NBEA: variants seen among roughly 807,000 people sequenced by gnomAD.
NBEA encodes lysosomal-trafficking regulator 2.
Under a neutral mutation model 343.4 loss-of-function variants are expected in NBEA, and 44 were observed. That is an observed-to-expected ratio of 0.13 (90% CI 0.10 to 0.16). The LOEUF is 0.16. Ranked by LOEUF, NBEA falls within the 10% of genes least tolerant of loss-of-function variation. NBEA has a pLI of 1.00. For synonymous variants in NBEA, 1,175 were observed against 1,238.7 expected (o/e 0.95, Z 1.08); for missense variants, 2,555 against 3,631.3 (o/e 0.70, Z 7.62).
At chr13:35,382,009 A>G (rs2042036787) in intron 38 of NBEA, among the ~76,000 whole-genome samples, 1 of 152,146 alleles carries the variant, frequency 6.6e-6, no homozygotes, top group Non-Finnish European at 1.5e-5. Context: ...GCCATGACAG[A>G]TATAATAGGC....
At chr13:35,404,546 T>A (rs1594505136) in intron 38 of NBEA, among the ~76,000 whole-genome samples, 1 of 138,580 alleles carries the variant, frequency 7.2e-6, no homozygotes, top group Non-Finnish European at 1.5e-5. Context: ...AGGTGGGAAT[T>A]GAACAATGAG....
At chr13:35,179,999 A>G (rs532038237) in intron 28 of NBEA, among the ~76,000 whole-genome samples, 3 of 151,964 alleles carry the variant, frequency 2.0e-5, no homozygotes, top group African/African-American at 2.4e-5. Flanking sequence ...GGAATAATTC[A>G]GAACAGATTT....
intron 46 of NBEA, among the ~76,000 whole-genome samples, chr13:35,588,374 TAA>T (rs1397746049): frequency 1.3e-5 from 2 of 152,106 alleles, no homozygotes; most frequent in Non-Finnish European, 2.9e-5. Flanking sequence ...GAAAATGCAT[TAA>T]AATTTGGGTC....
intron 41 of NBEA, among the ~76,000 whole-genome samples, chr13:35,535,331 T>G (rs1472662286): frequency 1.3e-5 from 2 of 151,478 alleles, no homozygotes; most frequent in South Asian, 4.1e-4. Flanking sequence ...GTTTTGTTTT[T>G]TATGTTAAAC....
chr13:35,028,833 G>A (rs926580925), intron 1 of NBEA, among the ~76,000 whole-genome samples: 2 of 149,922 alleles, frequency 1.3e-5, no homozygotes, highest in Non-Finnish European at 3.0e-5. Flanking sequence ...CTATGAACTT[G>A]GCCTGTTTTA....
rs1166969603 is a variant in NBEA at position 35,177,067 on chromosome 13, T to C, written c.4626T>C (p.Asp1542=). 6.9e-6 allele frequency: 11 copies of C among 1,604,532 alleles called. No individual in the cohort carries two copies. The highest frequency in any genetic ancestry group is 9.4e-6 in the Non-Finnish European group (11 of 1,174,690). ...CGGATAGACTTCTTCAGGATGTTGA[T>C]ATCAATCGCCTTCGTGCTGTTGTCT... The part of the protein sequence containing the change: ...KDPDRLLQDV[D]INRLRAVVFR... Residue 1542 remains aspartate (D), a synonymous_variant, in exon 28 of 59, where the codon GAT becomes GAC. Transcript: ENST00000379939.
chr13:35,073,481 CTG>C (rs2152577240), intron 10 of NBEA, among the ~76,000 whole-genome samples: 1 of 152,248 alleles, frequency 6.6e-6, no homozygotes, highest in Non-Finnish European at 1.5e-5. Flanking sequence ...TCTTTGCCCT[CTG>C]TGTTTCAAGC....
intron 1 of NBEA, among the ~76,000 whole-genome samples, chr13:34,957,022 T>TAC (rs113442970): frequency 5.4e-4 from 81 of 150,876 alleles, no homozygotes; most frequent in East Asian, 4.1e-3. Context: ...TATATATATA[T>TAC]ACACACACAC....
At chr13:35,022,486 G>A (rs544796632) in intron 1 of NBEA, among the ~76,000 whole-genome samples, 1 of 152,112 alleles carries the variant, frequency 6.6e-6, no homozygotes, top group Non-Finnish European at 1.5e-5. Flanking sequence ...TATTTTACTT[G>A]CCTTTGTTTC....
Position 35,105,711 on chromosome 13 carries a change from A to G in NBEA, c.1681-3579A>G, listed in dbSNP as rs1325352288. Among the ~76,000 whole-genome samples the G allele has an allele frequency of 2.6e-5, 4 of 151,980 alleles. No homozygotes were observed. The East Asian group carries it at 7.7e-4, about 29-fold the overall frequency. ...GCCACCCTCCCCTCCACTCCCTACCAAAACAACAACACATGATTAATCTGG... is the reference window on the plus strand; with the variant it reads ...GCCACCCTCCCCTCCACTCCCTACCGAAACAACAACACATGATTAATCTGG... On this transcript the variant is annotated intron_variant, in intron 11 of 58. Transcript: ENST00000379939.
At chr13:35,534,100 TAACA>T (rs1344955598) in intron 41 of NBEA, among the ~76,000 whole-genome samples, 2 of 152,300 alleles carry the variant, frequency 1.3e-5, no homozygotes, top group Middle Eastern at 3.4e-3. Flanking sequence ...ATGTGAGTGA[TAACA>T]AACAGAGTGA....
intron 1 of NBEA, among the ~76,000 whole-genome samples, chr13:35,035,162 A>C (rs1347843953): frequency 6.6e-6 from 1 of 151,626 alleles, no homozygotes; most frequent in African/African-American, 2.4e-5. Context: ...ACTTATAAAC[A>C]TCCCTCTTAG....
At chr13:35,007,366 T>C (rs2061352953) in intron 1 of NBEA, among the ~76,000 whole-genome samples, 1 of 152,346 alleles carries the variant, frequency 6.6e-6, no homozygotes, top group African/African-American at 2.4e-5. Context: ...TCATTACTTC[T>C]TCAACTGTAT....
chr13:35,526,199 A>C (rs1306995297), intron 41 of NBEA, among the ~76,000 whole-genome samples: 1 of 152,222 alleles, frequency 6.6e-6, no homozygotes, highest in African/African-American at 2.4e-5. Flanking sequence ...AAGAACTTCT[A>C]CATTTTGTTT....
chr13:35,035,526 A>G (rs2062406538), intron 1 of NBEA, among the ~76,000 whole-genome samples: 1 of 152,002 alleles, frequency 6.6e-6, no homozygotes, highest in East Asian at 1.9e-4. Flanking sequence ...TATTAGCTCA[A>G]TTTGGTCTGT....
rs578062985 is a variant in NBEA at position 35,269,339 on chromosome 13, A to T, written c.5777-21050A>T. Among the ~76,000 whole-genome samples the T allele has an allele frequency of 9.2e-5, 14 of 152,302 alleles. No individual in the cohort carries two copies. The South Asian group carries it at 2.9e-3, about 32-fold the overall frequency. On this transcript the variant is annotated intron_variant, in intron 34 of 58. Transcript: ENST00000379939. Reference sequence around the variant, plus strand: ...GTGAAAAAAAGCTGAACTAATTGGTATCTAGGAAAAAACAACTTATGACAT... The same window carrying T: ...GTGAAAAAAAGCTGAACTAATTGGTTTCTAGGAAAAAACAACTTATGACAT...
At chr13:34,993,541 A>T (rs895479882) in intron 1 of NBEA, among the ~76,000 whole-genome samples, 1 of 152,206 alleles carries the variant, frequency 6.6e-6, no homozygotes, top group Non-Finnish European at 1.5e-5. Context: ...AGTAAGGAAT[A>T]AACTGCCAAA....
At chr13:35,383,362 A>G (rs1316832759) in intron 38 of NBEA, among the ~76,000 whole-genome samples, 1 of 152,206 alleles carries the variant, frequency 6.6e-6, no homozygotes, top group Admixed American at 6.5e-5. Context: ...TTAACTGTCA[A>G]TAGCATTATT....
At chr13:35,081,859 C>T (rs2064421307) in intron 10 of NBEA, among the ~76,000 whole-genome samples, 1 of 151,762 alleles carries the variant, frequency 6.6e-6, no homozygotes. Context: ...TGTGTAATGA[C>T]CAAGTAAGGG....
Sources: gnomAD v4.1 joint callset for allele counts (sites outside exome capture counted in the v4.1 genomes callset) on GRCh38, gnomAD v4.1.1 for gene constraint, MANE v1.5 for transcripts, NCBI Gene and HGNC (gene_info 2026-07-23, HGNC 2026-07-21) for gene names.